PDZD8: variants seen among roughly 807,000 people sequenced by gnomAD.
PDZD8 encodes the protein PDZ domain-containing protein 8.
PDZD8 carries 14 observed loss-of-function variants against 85.8 expected under a neutral mutation model. That is an observed-to-expected ratio of 0.16 (90% confidence interval 0.11 to 0.26). The LOEUF is 0.26. PDZD8 is among the 10% of genes least tolerant of loss of function. The pLI, the probability that PDZD8 is intolerant of heterozygous loss-of-function variation, is 1.00. For missense variants in PDZD8, 1,197 were observed against 1,424.3 expected (o/e 0.84, Z 2.57); for synonymous variants, 592 against 568.6 (o/e 1.04, Z -0.59).
rs1173346770 is a variant in PDZD8, at chr10:117,285,099, A to G, written c.1634T>C (p.Leu545Ser). The G allele has an allele frequency of 1.9e-6, 3 of 1,614,058 alleles. No individual in the cohort carries two copies. The highest frequency in any genetic ancestry group is 1.3e-5 in the African/African-American group (1 of 75,028). The change falls in exon 5 of 5, where the codon TTA (leucine) becomes TCA (serine). Residue 545 changes from leucine (L) to serine (S), a missense_variant. Leu to Ser is a moderately radical substitution (Grantham distance 145, BLOSUM62 -2). Transcript: ENST00000334464. ...TGGTAGTGGGTGACTTCCTACAGCT[A>G]ATTTACGGTTTAAAACTGGTGATAT... The part of the protein sequence containing the change: ...GAISPVLNRK[L>S]AVGSHPLPPK...
At chr10:117,313,307 T>C (rs570973132) in intron 3 of PDZD8, among the ~76,000 whole-genome samples, 1 of 152,170 alleles carries the variant, frequency 6.6e-6, no homozygotes, top group African/African-American at 2.4e-5. Flanking sequence ...ATGTAAAATA[T>C]CTCATTGATT....
chr10:117,322,123 A>G (rs1216569875), intron 2 of PDZD8, among the ~76,000 whole-genome samples: 8 of 152,166 alleles, frequency 5.3e-5, no homozygotes, highest in African/African-American at 1.9e-4. Context: ...CACTAAACAA[A>G]AATTATGGGA....
chr10:117,339,916 C>T (rs1256527569), intron 2 of PDZD8, among the ~76,000 whole-genome samples: 1 of 152,116 alleles, frequency 6.6e-6, no homozygotes, highest in Admixed American at 6.6e-5. Flanking sequence ...GGTCCACATC[C>T]TAAGAGTAAT....
Position 117,284,425 on chromosome 10 carries a change from C to A in PDZD8, c.2308G>T (p.Ala770Ser), listed in dbSNP as rs774037998. ...PSPKAIVTRT[A>S]LRNLSMQKGF... Reference sequence around the variant, plus strand: ...TTTTGCATACTCAGATTGCGTAGTGCGGTTCTAGTGACTATAGCCTTAGGT... The same window carrying A: ...TTTTGCATACTCAGATTGCGTAGTGAGGTTCTAGTGACTATAGCCTTAGGT... The change falls in exon 5 of 5, where the codon GCA (alanine) becomes TCA (serine). Residue 770 changes from alanine (A) to serine (S), a missense_variant. Physicochemically the swap from Ala to Ser is moderately conservative, Grantham distance 99. Around this residue, in one of 4 missense-constraint regions of PDZD8, gnomAD observed 418 missense variants for 571.1 expected, o/e 0.73. Transcript: ENST00000334464. 2.5e-6 allele frequency: 4 copies of A among 1,614,128 alleles called. No individual in the cohort carries two copies. The highest frequency in any genetic ancestry group is 1.7e-5 in the Admixed American group (1 of 60,026).
chr10:117,328,461 G>A (rs1844356064), intron 2 of PDZD8, among the ~76,000 whole-genome samples: 1 of 151,894 alleles, frequency 6.6e-6, no homozygotes, highest in African/African-American at 2.4e-5. Context: ...GCCCAGGCTA[G>A]AGTGAAGCAC....
intron 3 of PDZD8, among the ~76,000 whole-genome samples, chr10:117,302,754 C>T (rs1050334247): frequency 2.0e-5 from 3 of 152,152 alleles, no homozygotes; most frequent in Non-Finnish European, 4.4e-5. Context: ...CCAGTCTTTC[C>T]TGTGCTATTC....
intron 1 of PDZD8, among the ~76,000 whole-genome samples, chr10:117,370,242 T>C (rs534124208): frequency 6.6e-6 from 1 of 152,350 alleles, no homozygotes; most frequent in African/African-American, 2.4e-5. Flanking sequence ...TAAAATAAAA[T>C]GTTTTACAAA....
In PDZD8 at chr10:117,278,285, G is replaced by A. The variant is rs906999714; in HGVS notation, c.*4983C>T. 6.6e-6 allele frequency: 1 copy of A among 152,130 alleles called. No homozygotes were observed. Among genetic ancestry groups the A allele is most frequent in the African/African-American group, 2.4e-5 (1 of 41,422 alleles). The allele number at this position is 152,130 out of a possible 1,614,324, so 9.4% of individuals were successfully genotyped here. A position where few individuals can be genotyped will look rare whatever the true frequency, so the allele number is the denominator to read the frequency against. On this transcript the variant is annotated 3_prime_UTR_variant, in exon 5 of 5. Coordinates refer to ENST00000334464, the MANE Select transcript of PDZD8 (RefSeq NM_173791.5). ...ACTATTTTTTAGACTCCTGAAAGTT[G>A]TTCACATCAATGTGAAGACAAATTT...
At chr10:117,362,706 C>T (rs1353358710) in intron 1 of PDZD8, among the ~76,000 whole-genome samples, 1 of 152,068 alleles carries the variant, frequency 6.6e-6, no homozygotes, top group Non-Finnish European at 1.5e-5. Flanking sequence ...ATAATTTACT[C>T]ACTTTAAGTA....
At chr10:117,297,776 T>C (rs1843780741) in intron 3 of PDZD8, among the ~76,000 whole-genome samples, 1 of 152,118 alleles carries the variant, frequency 6.6e-6, no homozygotes, top group Admixed American at 6.6e-5. Context: ...TTCTCTATCT[T>C]GATGAAGGTA....
intron 2 of PDZD8, among the ~76,000 whole-genome samples, chr10:117,333,674 T>C (rs760076451): frequency 1.6e-4 from 25 of 152,320 alleles, no homozygotes; most frequent in Non-Finnish European, 3.2e-4. Context: ...TGTAAATGAA[T>C]TTCAAAATTT....
intron 1 of PDZD8, among the ~76,000 whole-genome samples, chr10:117,363,907 T>C (rs1303155926): frequency 6.6e-6 from 1 of 152,192 alleles, no homozygotes; most frequent in African/African-American, 2.4e-5. Context: ...TCATGAAAAT[T>C]GGCAATTATA....
chr10:117,351,756 T>G (rs1404488416), intron 1 of PDZD8, among the ~76,000 whole-genome samples: 3 of 152,204 alleles, frequency 2.0e-5, no homozygotes, highest in Admixed American at 2.0e-4. Context: ...GGTGTGATCA[T>G]GGCTCACTAC....
chr10:117,375,294 C>A lies in PDZD8; in HGVS notation c.-67G>T. The A allele has an allele frequency of 2.2e-6, 3 of 1,360,246 alleles. No individual in the cohort carries two copies. Among genetic ancestry groups the A allele is most frequent in the Non-Finnish European group, 2.9e-6 (3 of 1,039,318 alleles). The allele number at this position is 1,360,246 out of a possible 1,614,324, so 84.3% of individuals were successfully genotyped here. ...AGCGCCGCTTTCTTCACGCCGCCGC[C>A]CCCGCTGCCTCCATTTTGAGGACAT... On this transcript the variant is annotated 5_prime_UTR_variant, in exon 1 of 5. Coordinates refer to ENST00000334464, the MANE Select transcript of PDZD8 (RefSeq NM_173791.5).
chr10:117,346,176 G>A (rs1022733294), intron 1 of PDZD8, among the ~76,000 whole-genome samples: 2 of 150,386 alleles, frequency 1.3e-5, no homozygotes, highest in East Asian at 2.0e-4. Context: ...GGGAGGCGGA[G>A]GTTGCAGTGA....
chr10:117,288,774 C>A (rs767674595), intron 4 of PDZD8, among the ~76,000 whole-genome samples: 6 of 152,168 alleles, frequency 3.9e-5, no homozygotes, highest in Non-Finnish European at 8.8e-5. Context: ...TCCCAAAGTG[C>A]TGGGATTACA....
Position 117,278,750 on chromosome 10 carries a change from T to G in PDZD8, c.*4518A>C, listed in dbSNP as rs1217236296. 1.3e-5 allele frequency: 2 copies of G among 152,234 alleles called. No individual in the cohort carries two copies. The highest frequency in any genetic ancestry group is 4.8e-5 in the African/African-American group (2 of 41,460). 9.4% of individuals were successfully genotyped at this position (152,234 alleles called of 1,614,324 possible). ...AAAGTAACACTTCGTTTCATGAAGC[T>G]TTTCTGTGGGGCTTCGATTATTTCA... On this transcript the variant is annotated 3_prime_UTR_variant, in exon 5 of 5. Coordinates refer to ENST00000334464, the MANE Select transcript of PDZD8 (RefSeq NM_173791.5).
At chr10:117,326,018 C>G (rs1844310570) in intron 2 of PDZD8, among the ~76,000 whole-genome samples, 1 of 152,158 alleles carries the variant, frequency 6.6e-6, no homozygotes, top group African/African-American at 2.4e-5. Context: ...CGCACTCAAT[C>G]TCTCTCCTGT....
At chr10:117,317,173 T>C (rs904316419) in intron 3 of PDZD8, among the ~76,000 whole-genome samples, 6 of 152,194 alleles carry the variant, frequency 3.9e-5, no homozygotes, top group African/African-American at 1.4e-4. Flanking sequence ...AGTGACTAAC[T>C]TGACTGAACA....
Sources: allele counts gnomAD v4.1 joint callset (sites outside exome capture counted in the v4.1 genomes callset), GRCh38; gene constraint gnomAD v4.1.1; regional missense constraint gnomAD v4.1.1; transcripts MANE v1.5; gene names NCBI Gene and HGNC (gene_info 2026-07-23, HGNC 2026-07-21).